Variants in NETO1 observed in about 807,000 individuals in gnomAD.
NETO1 encodes neuropilin and tolloid like 1.
Under a neutral mutation model 61.3 loss-of-function variants are expected in NETO1, and 26 were observed. That is an observed-to-expected ratio of 0.42 (90% CI 0.31 to 0.59). The LOEUF (loss-of-function observed/expected upper bound fraction) is 0.59. Among genes scored for constraint, NETO1 ranks in the 20% least tolerant of loss-of-function variants. The probability of loss-of-function intolerance (pLI) is 0.12; values close to 1 mark genes in which losing one functional copy is unlikely to be tolerated. For missense variants in NETO1, 531 were observed against 662.8 expected, an observed-to-expected ratio of 0.80 and a Z score of 2.18; for synonymous variants, 225 against 225.8, an observed-to-expected ratio of 1.00 and a Z score of 0.03.
At chr18:72,748,977 G>A (rs373492366) in intron 10 of NETO1, 37 bp downstream of exon 10, 166 of 1,312,644 alleles carry the variant, frequency 1.3e-4, no homozygotes, top group South Asian at 9.1e-4. Context: ...AACAGAATAC[G>A]ACAAAGTAGG....
chr18:72,819,347 C>T (rs569534518), intron 4 of NETO1, among the ~76,000 whole-genome samples: 1 of 152,250 alleles, frequency 6.6e-6, no homozygotes, highest in Admixed American at 6.5e-5. Flanking sequence ...ATATATCTGC[C>T]TTTCCTTGTG....
chr18:72,849,221 G>GC (rs200504123), intron 4 of NETO1, among the ~76,000 whole-genome samples: 2,074 of 152,252 alleles, frequency 0.014, 60 homozygotes, highest in African/African-American at 0.047. Flanking sequence ...CAAGTTAATT[G>GC]CATAATGTTC....
chr18:72,759,177 G>A (rs934955406), intron 7 of NETO1, among the ~76,000 whole-genome samples: 1 of 151,954 alleles, frequency 6.6e-6, no homozygotes, highest in Non-Finnish European at 1.5e-5. Context: ...ATCCGGCACC[G>A]TGTCCACACA....
At chr18:72,853,124 C>T (rs548507753) in intron 4 of NETO1, among the ~76,000 whole-genome samples, 22 of 152,216 alleles carry the variant, frequency 1.4e-4, no homozygotes, top group African/African-American at 5.1e-4. Context: ...CATGAGTCAC[C>T]GCACCTTGTC....
At chr18:72,789,523 T>C (rs2072043110) in intron 6 of NETO1, among the ~76,000 whole-genome samples, 1 of 152,156 alleles carries the variant, frequency 6.6e-6, no homozygotes, top group Non-Finnish European at 1.5e-5. Flanking sequence ...TCAATTACAG[T>C]TACTACACTT....
intron 3 of NETO1, among the ~76,000 whole-genome samples, chr18:72,864,604 T>C (rs1384543921): frequency 1.3e-5 from 2 of 152,252 alleles, no homozygotes; most frequent in African/African-American, 4.8e-5. Flanking sequence ...GCACAGAATT[T>C]GCTTGTTCAT....
At chr18:72,789,402 G>T (rs995018663) in intron 6 of NETO1, among the ~76,000 whole-genome samples, 1 of 151,720 alleles carries the variant, frequency 6.6e-6, no homozygotes, top group Non-Finnish European at 1.5e-5. Context: ...CAATTTTTTT[G>T]GTATTTACCT....
At chr18:72,783,638 C>T (rs1290348022) in intron 7 of NETO1, 40 bp downstream of exon 7, 2 of 1,536,992 alleles carry the variant, frequency 1.3e-6, no homozygotes, top group Non-Finnish European at 1.8e-6. Flanking sequence ...CATCATATGG[C>T]ATATACGAAG....
rs1568187187 is a variant in NETO1, at chr18:72,772,792, GTT to G, written c.868+10884_868+10885del. 6.1e-3 allele frequency among the ~76,000 whole-genome samples: 248 copies of G among 40,620 alleles called. 24 individuals are homozygous for G. Among genetic ancestry groups the G allele is most frequent in the South Asian group, 8.2e-3 (6 of 734 alleles). The allele number at this position is 40,620 out of a possible 152,430, so 26.6% of individuals were successfully genotyped here. On this transcript the variant is annotated intron_variant, in intron 7 of 10. Coordinates refer to ENST00000327305, the MANE Select transcript of NETO1 (RefSeq NM_138966.5). ...ATATATATATACAGATCTCTATATA[GTT>G]CTCTCTCTCTCTCTCTCTCTCTCTC... is the stretch of plus-strand genomic sequence containing the variant.
intron 4 of NETO1, among the ~76,000 whole-genome samples, chr18:72,811,059 C>T (rs1260552520): frequency 6.6e-6 from 1 of 152,166 alleles, no homozygotes; most frequent in Non-Finnish European, 1.5e-5. Context: ...TTTGTAAAAT[C>T]TCTACTACCT....
At chr18:72,856,018 A>G (rs530664657) in intron 4 of NETO1, among the ~76,000 whole-genome samples, 8 of 152,224 alleles carry the variant, frequency 5.3e-5, no homozygotes, top group Admixed American at 1.3e-4. Context: ...ATGAAAATGT[A>G]TATGTGTATT....
At chr18:72,783,093 A>G (rs1014982596) in intron 7 of NETO1, among the ~76,000 whole-genome samples, 1 of 152,184 alleles carries the variant, frequency 6.6e-6, no homozygotes, top group Non-Finnish European at 1.5e-5. Context: ...ATTGGTATGA[A>G]TCATTATTTA....
intron 4 of NETO1, among the ~76,000 whole-genome samples, chr18:72,826,420 T>G (rs2073374993): frequency 6.6e-6 from 1 of 151,980 alleles, no homozygotes. Context: ...TTGCTGGGAT[T>G]TTTTCCTCAG....
At chr18:72,820,207 G>A (rs1239813541) in intron 4 of NETO1, among the ~76,000 whole-genome samples, 1 of 152,136 alleles carries the variant, frequency 6.6e-6, no homozygotes, top group Non-Finnish European at 1.5e-5. Flanking sequence ...ACAATGAGAG[G>A]AGGACGAATA....
At chr18:72,752,549 T>C (rs1197323674) in intron 8 of NETO1, among the ~76,000 whole-genome samples, 1 of 152,034 alleles carries the variant, frequency 6.6e-6, no homozygotes, top group African/African-American at 2.4e-5. Flanking sequence ...AGGAAGGAGT[T>C]AGTATTCAGA....
intron 4 of NETO1, among the ~76,000 whole-genome samples, chr18:72,805,514 G>T (rs535798661): frequency 1.3e-5 from 2 of 152,224 alleles, no homozygotes; most frequent in African/African-American, 4.8e-5. Context: ...AATATAGTAA[G>T]TCCTTTATTC....
Position 72,830,920 on chromosome 18 carries a change from T to C in NETO1, c.469+27906A>G, listed in dbSNP as rs755950711. Among the ~76,000 whole-genome samples, 1 of 152,154 alleles carries C rather than the reference T, an allele frequency of 6.6e-6. No homozygotes were observed. The highest frequency in any genetic ancestry group is 1.5e-5 in the Non-Finnish European group (1 of 68,022). On this transcript the variant is annotated intron_variant, in intron 4 of 10. Transcript: ENST00000327305. This position sits in a 1 kb window ranked among gnomAD's most constrained non-coding sequence, Gnocchi z 4.9. ...TCATTTACCACTGCAGGAAAAACTG[T>C]ACTTGATAGGGTTGTCAATTATGCC...
Position 72,867,531 on chromosome 18 carries a change from C to T in NETO1, c.-240G>A. 1 of 381,938 alleles carries T rather than the reference C, an allele frequency of 2.6e-6. No homozygotes were observed. Among genetic ancestry groups the T allele is most frequent in the East Asian group, 3.7e-5 (1 of 27,006 alleles). The allele number at this position is 381,938 out of a possible 1,614,324, so 23.7% of individuals were successfully genotyped here. A position where few individuals can be genotyped will look rare whatever the true frequency, so the allele number is the denominator to read the frequency against. ...CTCTCGCTCTCGCTGGCCCTCAGCGCCGCGCAGCCAGCAGCATCCCCACCG... is the reference window on the plus strand; with the variant it reads ...CTCTCGCTCTCGCTGGCCCTCAGCGTCGCGCAGCCAGCAGCATCCCCACCG... On this transcript the variant is annotated 5_prime_UTR_variant, in exon 1 of 11. Transcript: ENST00000327305.
chr18:72,826,324 A>G (rs961199170), intron 4 of NETO1, among the ~76,000 whole-genome samples: 3 of 152,008 alleles, frequency 2.0e-5, no homozygotes, highest in Non-Finnish European at 4.4e-5. Flanking sequence ...TTTACTTAAC[A>G]CTTATCTTTT....
Sources: allele counts gnomAD v4.1 joint callset (sites outside exome capture counted in the v4.1 genomes callset), GRCh38; gene constraint gnomAD v4.1.1; non-coding constraint Gnocchi (gnomAD v3.1); transcripts MANE v1.5; gene names NCBI Gene and HGNC (gene_info 2026-07-23, HGNC 2026-07-21).